SORCS3: variants seen among roughly 807,000 people sequenced by gnomAD.
SORCS3 encodes sortilin related VPS10 domain containing receptor 3.
SORCS3 carries 57 observed loss-of-function variants against 146.3 expected under a neutral mutation model. That is an observed-to-expected ratio of 0.39 (90% CI 0.31 to 0.49). The LOEUF (loss-of-function observed/expected upper bound fraction) is 0.49. Ranked by LOEUF, SORCS3 falls within the 20% of genes least tolerant of loss-of-function variation. The pLI is 0.92. For synonymous variants in SORCS3, 653 were observed against 618.5 expected, an observed-to-expected ratio of 1.06 and a Z score of -0.83; for missense variants, 1,341 against 1,575.5, an observed-to-expected ratio of 0.85 and a Z score of 2.52.
At chr10:104,928,173 A>C (rs1354873440) in intron 3 of SORCS3, among the ~76,000 whole-genome samples, 3 of 152,158 alleles carry the variant, frequency 2.0e-5, no homozygotes, top group Non-Finnish European at 4.4e-5. Flanking sequence ...GGATGGAGTT[A>C]GGACTCAGGG....
chr10:105,145,651 T>C (rs2056125401), intron 8 of SORCS3, among the ~76,000 whole-genome samples: 1 of 152,128 alleles, frequency 6.6e-6, no homozygotes. Context: ...TCGGCATTCA[T>C]TCCACACCAA....
intron 7 of SORCS3, among the ~76,000 whole-genome samples, chr10:105,129,333 T>TCTCTC (rs768332557): frequency 0.011 from 634 of 60,180 alleles, 6 homozygotes; most frequent in African/African-American, 0.047. Flanking sequence ...TTCTTTCTCT[T>TCTCTC]TTTTTTTTTT....
intron 14 of SORCS3, among the ~76,000 whole-genome samples, chr10:105,187,719 C>T (rs1485440226): frequency 6.6e-6 from 1 of 152,166 alleles, no homozygotes; most frequent in Non-Finnish European, 1.5e-5. Context: ...CCACATGAAT[C>T]AAGTGTTGCT....
intron 1 of SORCS3, among the ~76,000 whole-genome samples, chr10:104,651,451 T>C (rs2015557036): frequency 6.7e-6 from 1 of 150,050 alleles, no homozygotes; most frequent in African/African-American, 2.5e-5. Flanking sequence ...TCCAGTACTT[T>C]GGGAGGCTGA....
intron 4 of SORCS3, among the ~76,000 whole-genome samples, chr10:104,996,157 T>G (rs762429459): frequency 2.0e-5 from 3 of 152,224 alleles, no homozygotes; most frequent in Non-Finnish European, 2.9e-5. Context: ...TCTGGATTTC[T>G]TGGTCACTGT....
At chr10:104,980,890 C>T (rs1015382652) in intron 4 of SORCS3, among the ~76,000 whole-genome samples, 1 of 152,144 alleles carries the variant, frequency 6.6e-6, no homozygotes, top group African/African-American at 2.4e-5. Flanking sequence ...AACAAAATTG[C>T]ATCTAGAAAT....
chr10:105,263,969 G>T lies in SORCS3; in HGVS notation c.*595G>T, dbSNP rs1309770219. 6.6e-6 allele frequency: 1 copy of T among 152,642 alleles called. No homozygotes were observed. Among genetic ancestry groups the T allele is most frequent in the African/African-American group, 2.4e-5 (1 of 41,434 alleles). 9.5% of individuals were successfully genotyped at this position (152,642 alleles called of 1,614,324 possible). ...AAATAATTTAATGTTTAGTAAAAAA[G>T]AAAACAGAAAAAAGAAAGATGCGTG... On this transcript the variant is annotated 3_prime_UTR_variant, in exon 27 of 27. Coordinates refer to ENST00000369701, the MANE Select transcript of SORCS3 (RefSeq NM_014978.3).
chr10:104,879,836 G>T (rs1328288287), intron 2 of SORCS3, among the ~76,000 whole-genome samples: 1 of 152,212 alleles, frequency 6.6e-6, no homozygotes, highest in African/African-American at 2.4e-5. Context: ...TGATGGGATG[G>T]CTTAACCTGC....
chr10:105,243,157 T>C (rs2056846940), intron 20 of SORCS3, among the ~76,000 whole-genome samples: 2 of 149,780 alleles, frequency 1.3e-5, no homozygotes, highest in South Asian at 2.1e-4. Flanking sequence ...AATGAACCAA[T>C]TGAAGGTTTT....
intron 4 of SORCS3, among the ~76,000 whole-genome samples, chr10:104,993,668 G>A (rs2055007719): frequency 6.6e-6 from 1 of 152,130 alleles, no homozygotes; most frequent in African/African-American, 2.4e-5. Context: ...CTAGCCCAGA[G>A]GCTTCAGTCC....
intron 17 of SORCS3, among the ~76,000 whole-genome samples, chr10:105,213,489 A>G (rs1317744271): frequency 6.6e-6 from 1 of 152,188 alleles, no homozygotes; most frequent in African/African-American, 2.4e-5. Flanking sequence ...GCTGCTGGTG[A>G]TGATGGTGGT....
chr10:104,876,400 A>G (rs1417143370), intron 2 of SORCS3, among the ~76,000 whole-genome samples: 2 of 152,172 alleles, frequency 1.3e-5, no homozygotes, highest in African/African-American at 4.8e-5. Context: ...AATATTTTCT[A>G]GATATGCACT....
At position 105,059,314 on chromosome 10, in the gene SORCS3, C is replaced by G. The variant is rs546393130; in HGVS notation, c.1028+16186C>G. Among the ~76,000 whole-genome samples, 200 of 152,316 alleles carry G rather than the reference C, an allele frequency of 1.3e-3. 6 individuals carry two copies. In the South Asian group the frequency reaches 0.04, roughly 31 times the overall value. On this transcript the variant is annotated intron_variant, in intron 5 of 26. Transcript: ENST00000369701. Reference sequence around the variant, plus strand: ...CATCTTTTCAAAATACATACACTCCCTGCTAGATGAGATAATATACTTCCG... The same window carrying G: ...CATCTTTTCAAAATACATACACTCCGTGCTAGATGAGATAATATACTTCCG...
chr10:104,706,843 G>A (rs2016343267), intron 1 of SORCS3, among the ~76,000 whole-genome samples: 1 of 152,128 alleles, frequency 6.6e-6, no homozygotes, highest in Admixed American at 6.6e-5. Context: ...GGTCTATAAT[G>A]ACTTTTTCTT....
At chr10:105,081,403 C>A (rs1589622972) in intron 5 of SORCS3, among the ~76,000 whole-genome samples, 1 of 152,314 alleles carries the variant, frequency 6.6e-6, no homozygotes, top group East Asian at 1.9e-4. Flanking sequence ...GGGCCACTGA[C>A]ACAAGCTCTA....
intron 2 of SORCS3, among the ~76,000 whole-genome samples, chr10:104,844,520 C>T (rs916996706): frequency 1.1e-4 from 16 of 152,128 alleles, no homozygotes; most frequent in Admixed American, 6.5e-5. Flanking sequence ...TTTCAAGAGT[C>T]AGTGTATTCA....
chr10:104,784,275 G>A (rs1168571604), intron 1 of SORCS3, among the ~76,000 whole-genome samples: 3 of 152,322 alleles, frequency 2.0e-5, no homozygotes, highest in East Asian at 1.9e-4. Context: ...CAACTTGGTG[G>A]TGGGGTGGGA....
intron 1 of SORCS3, among the ~76,000 whole-genome samples, chr10:104,782,854 T>C (rs2017390920): frequency 1.3e-5 from 2 of 152,240 alleles, no homozygotes; most frequent in African/African-American, 4.8e-5. Flanking sequence ...CCTCAGGTGT[T>C]GCAAAGAAGA....
chr10:105,222,192 G>T lies in SORCS3; in HGVS notation c.2735-924G>T, dbSNP rs535825165. Among the ~76,000 whole-genome samples, 21 of 151,818 alleles carry T rather than the reference G, an allele frequency of 1.4e-4. No homozygotes were observed. In the South Asian group the frequency reaches 4.0e-3, roughly 29 times the overall value. ...TCCTGCCTCAGCCTCCCAAGTAGCT[G>T]GGATTAAAAGCGGCTGCCACCATGC... is the stretch of plus-strand genomic sequence containing the variant. On this transcript the variant is annotated intron_variant, in intron 19 of 26. Coordinates refer to ENST00000369701, the MANE Select transcript of SORCS3 (RefSeq NM_014978.3).
Sources: gnomAD v4.1 joint callset for allele counts (sites outside exome capture counted in the v4.1 genomes callset) on GRCh38, gnomAD v4.1.1 for gene constraint, MANE v1.5 for transcripts, NCBI Gene and HGNC (gene_info 2026-07-23, HGNC 2026-07-21) for gene names.